CDC42BPG: variants seen among roughly 807,000 people sequenced by gnomAD.
CDC42BPG encodes the protein CDC42 binding protein kinase gamma.
CDC42BPG carries 157 observed loss-of-function variants against 192.2 expected under a neutral mutation model. The ratio of observed to expected loss-of-function variants is 0.82; its 90% CI spans 0.72 to 0.93. The LOEUF is 0.93. CDC42BPG is among the 40% of genes least tolerant of loss of function. The probability of loss-of-function intolerance (pLI) is 0.00; values close to 1 mark genes in which losing one functional copy is unlikely to be tolerated. For synonymous variants in CDC42BPG, 981 were observed against 918.5 expected, an observed-to-expected ratio of 1.07 and a Z score of -1.23; for missense variants, 1,992 against 2,122.1, an observed-to-expected ratio of 0.94 and a Z score of 1.20.
intron 5 of CDC42BPG, 61 bp from the exon 6 acceptor site, chr11:64,839,632 C>T: frequency 2.1e-6 from 3 of 1,405,190 alleles, no homozygotes; most frequent in Non-Finnish European, 2.9e-6. Context: ...GCCATTTAGG[C>T]ACACGCCCAG....
chr11:64,843,588 A>G (rs948739485), intron 1 of CDC42BPG, among the ~76,000 whole-genome samples: 1 of 152,152 alleles, frequency 6.6e-6, no homozygotes, highest in Non-Finnish European at 1.5e-5. Context: ...CGCCCTGGCC[A>G]GGCCCCCGTG....
Position 64,836,725 on chromosome 11 carries a change from G to GGGGGGGGA in CDC42BPG, c.1384+13_1384+14insTCCCCCCC. 1 of 956,868 alleles carries GGGGGGGGA rather than the reference G, an allele frequency of 1.0e-6. No homozygotes were observed. The highest frequency in any genetic ancestry group is 1.5e-6 in the Non-Finnish European group (1 of 670,292). The allele number at this position is 956,868 out of a possible 1,614,324, so 59.3% of individuals were successfully genotyped here. A position where few individuals can be genotyped will look rare whatever the true frequency, so the allele number is the denominator to read the frequency against. ...CAGCCCTGGGGGGGGGGGGGGGGTG[G>GGGGGGGGA]GCGGAAGGGATACCTGGCAGCCTGT... is the stretch of plus-strand genomic sequence containing the variant. On this transcript the variant is annotated intron_variant, in intron 11 of 36. Coordinates refer to ENST00000342711, the MANE Select transcript of CDC42BPG (RefSeq NM_017525.3).
At chr11:64,839,433 G>C in intron 6 of CDC42BPG, 45 bp downstream of exon 6, 1 of 722,594 alleles carries the variant, frequency 1.4e-6, no homozygotes, top group Non-Finnish European at 2.3e-6. Flanking sequence ...TGAGAGCTTG[G>C]CCCGCCTTGT....
At position 64,829,801 on chromosome 11, in the gene CDC42BPG, C is replaced by G. The variant is rs368641363; in HGVS notation, c.3637G>C (p.Gly1213Arg). The G allele has an allele frequency of 3.1e-6, 5 of 1,603,212 alleles. No homozygotes were observed. The highest frequency in any genetic ancestry group is 4.2e-6 in the Non-Finnish European group (5 of 1,176,576). ...VLCYQLGPGPGPWQRRIRELQ... is the reference protein window; with the variant it reads ...VLCYQLGPGPRPWQRRIRELQ... ...TCACGGATGCGGCGCTGCCAGGGCC[C>G]AGGGCCCGGGCCCAGCTGGTAGCAG... The change falls in exon 30 of 37, where the codon GGG becomes CGG. Residue 1213 changes from glycine (G) to arginine (R), a missense_variant. Around this residue, in one of 2 missense-constraint regions of CDC42BPG, gnomAD observed 1,656 missense variants for 1,844.3 expected, o/e 0.90. Coordinates refer to ENST00000342711, the MANE Select transcript of CDC42BPG (RefSeq NM_017525.3).
intron 23 of CDC42BPG, 124 bp from the exon 24 acceptor site, chr11:64,833,460 C>A (rs189723328): frequency 4.1e-6 from 4 of 980,138 alleles, no homozygotes; most frequent in Non-Finnish European, 6.0e-6. Context: ...CAATCTATGG[C>A]GGCAGGCAAG....
intron 20 of CDC42BPG, 127 bp downstream of exon 20, chr11:64,834,139 G>T: frequency 7.3e-7 from 1 of 1,369,750 alleles, no homozygotes; most frequent in Non-Finnish European, 1.0e-6. Context: ...AGATGATGGA[G>T]TAAGCGGCAG....
intron 30 of CDC42BPG, among the ~76,000 whole-genome samples, chr11:64,828,876 C>T (rs1170550541): frequency 6.6e-6 from 1 of 152,152 alleles, no homozygotes; most frequent in Non-Finnish European, 1.5e-5. Flanking sequence ...ATGGTGAAAC[C>T]CCGTCTCCAC....
rs71539682 is a variant in CDC42BPG at position 64,833,513 on chromosome 11, G to A, written c.2625+87C>T. 7.4e-5 allele frequency: 95 copies of A among 1,286,212 alleles called. No individual in the cohort carries two copies. The Middle Eastern group carries it at 7.7e-4, about 10-fold the overall frequency. 79.7% of individuals were successfully genotyped at this position (1,286,212 alleles called of 1,614,324 possible). ...CACCCCAATTGTGCCTGCTAGCCACGATGCACGTGGAGTGTCCCCACAGTG... is the reference window on the plus strand; with the variant it reads ...CACCCCAATTGTGCCTGCTAGCCACAATGCACGTGGAGTGTCCCCACAGTG... On this transcript the variant is annotated intron_variant, in intron 23 of 36. Coordinates refer to ENST00000342711, the MANE Select transcript of CDC42BPG (RefSeq NM_017525.3).
In CDC42BPG at chr11:64,833,789, A is replaced by G. The variant is rs143054237; in HGVS notation, c.2514T>C (p.His838=). The change falls in exon 22 of 37, where the codon CAT becomes CAC. Residue 838 remains histidine (H), a synonymous_variant. Coordinates refer to ENST00000342711, the MANE Select transcript of CDC42BPG (RefSeq NM_017525.3). ...CCGGCCTCAGATCTGGCTCTCCTCC[A>G]TGCCTTGTGGCCTCTCCTGAGATGC... ...DPGISGEATR[H]GGEPDLRPEG... 161 of 1,614,198 alleles carry G rather than the reference A, an allele frequency of 1.0e-4. No homozygotes were observed. Among genetic ancestry groups the G allele is most frequent in the Middle Eastern group, 3.3e-4 (2 of 6,062 alleles).
chr11:64,825,597 G>A (rs1369216614), intron 36 of CDC42BPG, among the ~76,000 whole-genome samples: 4 of 152,188 alleles, frequency 2.6e-5, no homozygotes, highest in East Asian at 3.8e-4. Context: ...CAAGCCCCAG[G>A]GCTCCAAGTG....
rs373268624 is a variant in CDC42BPG, at chr11:64,826,452, C to G, written c.4599+18G>C. The G allele has an allele frequency of 3.3e-5, 51 of 1,565,730 alleles. No individual in the cohort carries two copies. The highest frequency in any genetic ancestry group is 4.2e-5 in the Non-Finnish European group (48 of 1,149,778). On this transcript the variant is annotated intron_variant, in intron 36 of 36. Coordinates refer to ENST00000342711, the MANE Select transcript of CDC42BPG (RefSeq NM_017525.3). ...GACGTTTGAATAGGGGACGGACAAG[C>G]CTCCCGGACCCGCTCACCTGCATTA...
rs1043022202 is a variant in CDC42BPG at position 64,826,892 on chromosome 11, C to T, written c.4390-98G>A. The T allele has an allele frequency of 5.9e-6, 8 of 1,350,852 alleles. No homozygotes were observed. In the Admixed American group the frequency reaches 1.6e-4, roughly 26 times the overall value. 83.7% of individuals were successfully genotyped at this position (1,350,852 alleles called of 1,614,324 possible). A position where few individuals can be genotyped will look rare whatever the true frequency, so the allele number is the denominator to read the frequency against. On this transcript the variant is annotated intron_variant, in intron 34 of 36. Transcript: ENST00000342711. ...CCAGGACAAATGAACGCCACTGGGC[C>T]CCCAGCCTGGTTTTACTTAAGTCCC... is the stretch of plus-strand genomic sequence containing the variant.
intron 16 of CDC42BPG, 63 bp downstream of exon 16, chr11:64,835,284 C>T: frequency 2.5e-6 from 4 of 1,611,382 alleles, no homozygotes; most frequent in Non-Finnish European, 2.5e-6. Context: ...TTGCCCACCC[C>T]TCAACTGGCT....
At chr11:64,841,569 C>G (rs1458802760) in intron 3 of CDC42BPG, 81 bp downstream of exon 3, 4 of 1,200,112 alleles carry the variant, frequency 3.3e-6, no homozygotes, top group African/African-American at 1.5e-5. Context: ...CCGCCCCCCC[C>G]GCGCCATAGG....
chr11:64,827,824 G>T (rs745427894), intron 30 of CDC42BPG, 41 bp from the exon 31 acceptor site: 2 of 1,524,776 alleles, frequency 1.3e-6, no homozygotes, highest in South Asian at 2.4e-5. Context: ...TTCCCCCTCT[G>T]TTCCACAGGG....
At chr11:64,842,848 C>T (rs1205694333) in intron 1 of CDC42BPG, among the ~76,000 whole-genome samples, 1 of 152,150 alleles carries the variant, frequency 6.6e-6, no homozygotes, top group Non-Finnish European at 1.5e-5. Flanking sequence ...CTCAGTTTCC[C>T]CCTGCCAGGA....
rs1180365606 is a variant in CDC42BPG, at chr11:64,836,235, C to T, written c.1550G>A (p.Gly517Glu). ...CCTCTGAAGCAGCTCCTCCTGCTGC[C>T]CCTGGGCCCTGCAGAGCTCCTGCTC... is the stretch of plus-strand genomic sequence containing the variant. ...AQEQELCRAQ[G>E]QQEELLQRLQ... The change falls in exon 13 of 37, where the codon GGG (glycine) becomes GAG (glutamate). Residue 517 changes from glycine (G) to glutamate (E), a missense_variant. By Grantham distance (98) the Gly-to-Glu change is moderately conservative. Around this residue, in one of 2 missense-constraint regions of CDC42BPG, gnomAD observed 1,656 missense variants for 1,844.3 expected, o/e 0.90. Transcript: ENST00000342711. 1 of 1,600,554 alleles carries T rather than the reference C, an allele frequency of 6.2e-7. No individual in the cohort carries two copies. The highest frequency in any genetic ancestry group is 8.5e-7 in the Non-Finnish European group (1 of 1,175,788).
intron 36 of CDC42BPG, among the ~76,000 whole-genome samples, chr11:64,825,130 T>A (rs971863840): frequency 6.6e-6 from 1 of 152,144 alleles, no homozygotes. Context: ...TTGGCCAGGC[T>A]GGTCTTGAAC....
In CDC42BPG at chr11:64,844,441, C is replaced by T. The variant is rs1943415091; in HGVS notation, c.129G>A (p.Arg43=). The change falls in exon 1 of 37, where the codon CGG becomes CGA. Residue 43 remains arginine, a synonymous_variant. Coordinates refer to ENST00000342711, the MANE Select transcript of CDC42BPG (RefSeq NM_017525.3). ...TCAGGAACTGCGCCACGCTGCGCTC[C>T]CGCCGTAGGGGGCCGCTGCTGAGCT... The part of the protein sequence containing the change: ...HHELSSGPLR[R]ERSVAQFLSW... The T allele has an allele frequency of 6.8e-7, 1 of 1,472,824 alleles. No individual in the cohort carries two copies. The highest frequency in any genetic ancestry group is 9.0e-7 in the Non-Finnish European group (1 of 1,117,230). The allele number at this position is 1,472,824 out of a possible 1,614,324, so 91.2% of individuals were successfully genotyped here.
Sources: gnomAD v4.1 joint callset for allele counts (sites outside exome capture counted in the v4.1 genomes callset) on GRCh38, gnomAD v4.1.1 for gene constraint, gnomAD v4.1.1 regional missense constraint, MANE v1.5 for transcripts, NCBI Gene and HGNC (gene_info 2026-07-23, HGNC 2026-07-21) for gene names.